Variants in PTPRN2 observed in about 807,000 individuals in gnomAD.
PTPRN2 encodes the protein protein tyrosine phosphatase receptor type N2.
Under a neutral mutation model 118.8 loss-of-function variants are expected in PTPRN2, and 74 were observed. The ratio of observed to expected loss-of-function variants is 0.62; its 90% CI spans 0.52 to 0.76. PTPRN2 has a LOEUF of 0.76. Ranked by LOEUF, PTPRN2 falls within the 30% of genes least tolerant of loss-of-function variation. The probability of loss-of-function intolerance (pLI) is 0.00; values close to 1 mark genes in which losing one functional copy is unlikely to be tolerated. For missense variants in PTPRN2, 1,481 were observed against 1,394.4 expected (o/e 1.06, Z -0.99); for synonymous variants, 641 against 608.0 (o/e 1.05, Z -0.80).
In PTPRN2 at chr7:157,617,954, T is replaced by C. The variant is rs576338249; in HGVS notation, c.2344+3408A>G. 1.1e-4 allele frequency: 17 copies of C among 152,394 alleles called. No individual in the cohort carries two copies. Among genetic ancestry groups the C allele is most frequent in the Admixed American group, 9.8e-4 (15 of 15,308 alleles). 9.4% of individuals were successfully genotyped at this position (152,394 alleles called of 1,614,324 possible). A position where few individuals can be genotyped will look rare whatever the true frequency, so the allele number is the denominator to read the frequency against. On this transcript the variant is annotated intron_variant, in intron 15 of 22. Transcript: ENST00000389418. The surrounding 1 kb of genome is among the most constrained non-coding windows in gnomAD (Gnocchi z 7.5). ...AATAGTATCATATCCCTGTTCTTCATCTGAAATGCAGACAAGCGAAATGCT... is the reference window on the plus strand; with the variant it reads ...AATAGTATCATATCCCTGTTCTTCACCTGAAATGCAGACAAGCGAAATGCT...
chr7:158,348,711 C>T (rs1807723799), intron 2 of PTPRN2, among the ~76,000 whole-genome samples: 1 of 152,198 alleles, frequency 6.6e-6, no homozygotes, highest in Admixed American at 6.5e-5. Flanking sequence ...CAGCACAGGA[C>T]TTCTCAAAGA....
chr7:158,353,932 T>G (rs1808193614), intron 2 of PTPRN2, among the ~76,000 whole-genome samples: 1 of 151,416 alleles, frequency 6.6e-6, no homozygotes, highest in Admixed American at 6.6e-5. Context: ...AAGGTGGGGG[T>G]GGGGCTACTG....
At position 158,295,324 on chromosome 7, in the gene PTPRN2, C is replaced by T. The variant is rs183926630; in HGVS notation, c.277+21495G>A. Among the ~76,000 whole-genome samples, 14 of 13,152 alleles carry T rather than the reference C, an allele frequency of 1.1e-3. 5 individuals carry two copies. The highest frequency in any genetic ancestry group is 3.3e-3 in the African/African-American group (14 of 4,262). 8.6% of individuals were successfully genotyped at this position (13,152 alleles called of 152,430 possible). Reference sequence around the variant, plus strand: ...CACGGCACCCGCTGACCCTGCCTGTCTGCCCAGACACTGAACCACATTGTG... The same window carrying T: ...CACGGCACCCGCTGACCCTGCCTGTTTGCCCAGACACTGAACCACATTGTG... On this transcript the variant is annotated intron_variant, in intron 3 of 22. Transcript: ENST00000389418.
At chr7:158,279,609 G>T (rs917830749) in intron 3 of PTPRN2, among the ~76,000 whole-genome samples, 4 of 152,232 alleles carry the variant, frequency 2.6e-5, no homozygotes, top group Non-Finnish European at 4.4e-5. Context: ...CCCAGCAGGT[G>T]CCGGCCAGTC....
intron 11 of PTPRN2, among the ~76,000 whole-genome samples, chr7:157,971,981 G>C (rs4716851): frequency 0.46 from 69,612 of 152,130 alleles, 16,119 homozygotes; most frequent in East Asian, 0.56. Context: ...TGAAAGCAGA[G>C]AGTCCTATGC....
At chr7:158,442,145 GTGGTGA>G (rs1333715831) in intron 2 of PTPRN2, among the ~76,000 whole-genome samples, 3 of 150,482 alleles carry the variant, frequency 2.0e-5, no homozygotes, top group South Asian at 2.1e-4. Flanking sequence ...GGTGGCAGTG[GTGGTGA>G]TGGTGATGGC....
Position 157,596,894 on chromosome 7 carries a change from G to A in PTPRN2, c.2419-1579C>T, listed in dbSNP as rs1459238197. ...CATTTCTCAACACAGTGAAAAATGAGCAAATTTTAACCCTATGCAATTTTA... is the reference window on the plus strand; with the variant it reads ...CATTTCTCAACACAGTGAAAAATGAACAAATTTTAACCCTATGCAATTTTA... On this transcript the variant is annotated intron_variant, in intron 16 of 22. Coordinates refer to ENST00000389418, the MANE Select transcript of PTPRN2 (RefSeq NM_002847.5). This position sits in a 1 kb window ranked among gnomAD's most constrained non-coding sequence, Gnocchi z 4.2. Among the ~76,000 whole-genome samples, 3 of 152,210 alleles carry A rather than the reference G, an allele frequency of 2.0e-5. No homozygotes were observed. Among genetic ancestry groups the A allele is most frequent in the Admixed American group, 1.3e-4 (2 of 15,284 alleles).
At chr7:158,068,313 C>T (rs1173395946) in intron 11 of PTPRN2, among the ~76,000 whole-genome samples, 3 of 152,214 alleles carry the variant, frequency 2.0e-5, no homozygotes, top group Non-Finnish European at 4.4e-5. Flanking sequence ...TGCCCGTGCT[C>T]ATGGCAGCCG....
intron 11 of PTPRN2, among the ~76,000 whole-genome samples, chr7:157,962,270 C>A (rs1705435701): frequency 6.6e-6 from 1 of 152,222 alleles, no homozygotes. Context: ...TGAAAACACG[C>A]CGCTGCCAGC....
At chr7:157,685,369 G>A (rs182258302) in intron 12 of PTPRN2, among the ~76,000 whole-genome samples, 2 of 152,058 alleles carry the variant, frequency 1.3e-5, no homozygotes, top group East Asian at 3.9e-4. Context: ...CACGCGCGCG[G>A]TGACCACCCT....
At chr7:157,820,381 T>C (rs969540050) in intron 12 of PTPRN2, among the ~76,000 whole-genome samples, 2 of 146,294 alleles carry the variant, frequency 1.4e-5, no homozygotes, top group Non-Finnish European at 3.0e-5. Flanking sequence ...CCCATATATA[T>C]GCATATTCAA....
chr7:157,830,105 C>G (rs1807461478), intron 12 of PTPRN2, among the ~76,000 whole-genome samples: 1 of 132,022 alleles, frequency 7.6e-6, no homozygotes, highest in Non-Finnish European at 1.6e-5. Flanking sequence ...GACCTCCTGT[C>G]TTCCTGCTCT....
At chr7:157,634,525 G>A (rs956698331) in intron 14 of PTPRN2, among the ~76,000 whole-genome samples, 1 of 152,156 alleles carries the variant, frequency 6.6e-6, no homozygotes, top group Non-Finnish European at 1.5e-5. Context: ...GTCCACAGAT[G>A]AGGCAACTCC....
intron 2 of PTPRN2, among the ~76,000 whole-genome samples, chr7:158,384,496 C>T (rs1274434195): frequency 1.3e-5 from 2 of 152,160 alleles, no homozygotes; most frequent in East Asian, 3.9e-4. Context: ...TTAACAGTTA[C>T]AGATCTCTGT....
intron 1 of PTPRN2, among the ~76,000 whole-genome samples, chr7:158,586,767 GGGGACGCAGGTAGAAGCGGGTGCAGC>G (rs1238222577): frequency 1.3e-5 from 2 of 152,190 alleles, no homozygotes; most frequent in Non-Finnish European, 2.9e-5. Context: ...GGGGGGTGCG[GGGGACGCAGGTAGAAGCGGGTGCAGC>G]GGGACATCCG....
intron 14 of PTPRN2, among the ~76,000 whole-genome samples, chr7:157,650,401 G>T (rs895851490): frequency 6.6e-6 from 1 of 152,226 alleles, no homozygotes; most frequent in African/African-American, 2.4e-5. Flanking sequence ...GCAAAAATAG[G>T]CTCCTCCAAA....
intron 2 of PTPRN2, among the ~76,000 whole-genome samples, chr7:158,363,102 C>T (rs949640698): frequency 6.6e-6 from 1 of 152,286 alleles, no homozygotes; most frequent in Non-Finnish European, 1.5e-5. Flanking sequence ...GCACCACTCT[C>T]GAAAGCCCTT....
chr7:157,920,609 G>C, intron 11 of PTPRN2, among the ~76,000 whole-genome samples: 1 of 152,216 alleles, frequency 6.6e-6, no homozygotes, highest in Admixed American at 6.5e-5. Flanking sequence ...TAAGCCAAAA[G>C]TTAAGAGTCA....
intron 12 of PTPRN2, among the ~76,000 whole-genome samples, chr7:157,892,025 C>T (rs1007465846): frequency 6.6e-6 from 1 of 152,238 alleles, no homozygotes; most frequent in Non-Finnish European, 1.5e-5. Flanking sequence ...CCACTTCTCA[C>T]TGACATGCTG....
Sources: gnomAD v4.1 joint callset for allele counts (sites outside exome capture counted in the v4.1 genomes callset) on GRCh38, gnomAD v4.1.1 for gene constraint, Gnocchi (gnomAD v3.1) non-coding constraint, MANE v1.5 for transcripts, NCBI Gene and HGNC (gene_info 2026-07-23, HGNC 2026-07-21) for gene names.